The following EXOC5 variants were observed in gnomAD, a reference collection of about 807,000 sequenced individuals.
EXOC5 encodes exocyst complex component 5.
In EXOC5, 17 loss-of-function variants were observed where a neutral mutation model predicts 90.8. The ratio of observed to expected loss-of-function variants is 0.19; its 90% CI spans 0.13 to 0.28. EXOC5 has a LOEUF of 0.28. Among genes scored for constraint, EXOC5 ranks in the 10% least tolerant of loss-of-function variants. The probability of loss-of-function intolerance (pLI) is 1.00; values close to 1 mark genes in which losing one functional copy is unlikely to be tolerated. For synonymous variants in EXOC5, 260 were observed against 270.0 expected (o/e 0.96, Z 0.36); for missense variants, 569 against 830.6 (o/e 0.69, Z 3.87).
At chr14:57,251,270 T>C (rs1594678280) in intron 1 of EXOC5, among the ~76,000 whole-genome samples, 2 of 152,164 alleles carry the variant, frequency 1.3e-5, no homozygotes, top group East Asian at 3.8e-4. Context: ...GGGGCCAGCA[T>C]GTCCAAAAAG....
At chr14:57,210,130 A>G in intron 15 of EXOC5, 69 bp from the exon 16 acceptor site, 1 of 679,334 alleles carries the variant, frequency 1.5e-6, no homozygotes, top group African/African-American at 1.8e-5. Flanking sequence ...TAATTATATT[A>G]TTTATGCTAA....
intron 1 of EXOC5, among the ~76,000 whole-genome samples, chr14:57,265,580 C>T (rs923106485): frequency 2.6e-5 from 4 of 152,108 alleles, no homozygotes; most frequent in African/African-American, 9.7e-5. Flanking sequence ...TAAAAATCAG[C>T]TGGGCATGGA....
At chr14:57,248,094 G>GTT (rs200141338) in intron 1 of EXOC5, among the ~76,000 whole-genome samples, 7 of 140,282 alleles carry the variant, frequency 5.0e-5, no homozygotes, top group Admixed American at 1.4e-4. Flanking sequence ...ATCTCACAAA[G>GTT]TTTTTTTTTT....
chr14:57,219,411 A>G lies in EXOC5; in HGVS notation c.1437T>C (p.Asn479=). The part of the protein sequence containing the change: ...GIPSSDSRNA[N]LYFLDVVQQA... The stretch of plus-strand genomic sequence containing the variant: ...GTTGCACAACGTCCAAAAAATAAAG[A>G]TTTGCATTCCTAGAATCTGAAGAGG... Residue 479 remains asparagine, a synonymous_variant, in exon 14 of 18, where the codon AAT becomes AAC. Transcript: ENST00000621441. 1.9e-6 allele frequency: 3 copies of G among 1,571,620 alleles called. No homozygotes were observed. Among genetic ancestry groups the G allele is most frequent in the Non-Finnish European group, 2.6e-6 (3 of 1,158,104 alleles).
chr14:57,201,392 T>C lies in EXOC5; in HGVS notation c.*7217A>G, dbSNP rs1882493147. 6.7e-6 allele frequency: 1 copy of C among 149,636 alleles called. No homozygotes were observed. The highest frequency in any genetic ancestry group is 1.5e-5 in the Non-Finnish European group (1 of 67,570). The allele number at this position is 149,636 out of a possible 1,614,324, so 9.3% of individuals were successfully genotyped here. On this transcript the variant is annotated 3_prime_UTR_variant, in exon 18 of 18. Coordinates refer to ENST00000621441, the MANE Select transcript of EXOC5 (RefSeq NM_006544.4). ...AGTTGAACAGAAAACTATGAATACA[T>C]AGTGATATCAAGAGAATTCTGATTA... is the stretch of plus-strand genomic sequence containing the variant.
Position 57,227,916 on chromosome 14 carries a change from G to A in EXOC5, c.1296+1818C>T, listed in dbSNP as rs373870252. On this transcript the variant is annotated intron_variant, in intron 12 of 17. Transcript: ENST00000621441. ...TAACAACCTCACAGGGTGGTTATAT[G>A]ATGAAATAAGTTTACATACATATAT... 6.1e-5 allele frequency among the ~76,000 whole-genome samples: 9 copies of A among 148,754 alleles called. No homozygotes were observed. In the South Asian group the frequency reaches 1.9e-3, roughly 32 times the overall value.
At position 57,268,673 on chromosome 14, in the gene EXOC5, C is replaced by A. The variant is rs755051718; in HGVS notation, c.-25G>T. ...TCCCGGCCGGCTGAGAGGCTCGCCC[C>A]CCACTGGATGCCGTCTCCGCTTCAC... On this transcript the variant is annotated 5_prime_UTR_variant, in exon 1 of 18. Coordinates refer to ENST00000621441, the MANE Select transcript of EXOC5 (RefSeq NM_006544.4). The A allele has an allele frequency of 8.2e-6, 13 of 1,577,002 alleles. No homozygotes were observed. Among genetic ancestry groups the A allele is most frequent in the Non-Finnish European group, 1.1e-5 (13 of 1,170,326 alleles).
Position 57,243,544 on chromosome 14 carries a change from CCT to C in EXOC5, c.465+619_465+620del, listed in dbSNP as rs1232366966. 5.9e-5 allele frequency: 9 copies of C among 151,888 alleles called. No individual in the cohort carries two copies. In the East Asian group the frequency reaches 1.2e-3, roughly 20 times the overall value. 9.4% of individuals were successfully genotyped at this position (151,888 alleles called of 1,614,324 possible). A position where few individuals can be genotyped will look rare whatever the true frequency, so the allele number is the denominator to read the frequency against. ...TCTTGCACATTTTGATTTTTTTTCCCCTGAGGGGAAGAAAGTGAGCTAAATTA... is the reference window on the plus strand; with the variant it reads ...TCTTGCACATTTTGATTTTTTTTCCCGAGGGGAAGAAAGTGAGCTAAATTA... On this transcript the variant is annotated intron_variant, in intron 4 of 17. Coordinates refer to ENST00000621441, the MANE Select transcript of EXOC5 (RefSeq NM_006544.4).
intron 11 of EXOC5, among the ~76,000 whole-genome samples, chr14:57,230,508 C>G (rs1883452014): frequency 6.6e-6 from 1 of 152,088 alleles, no homozygotes; most frequent in African/African-American, 2.4e-5. Flanking sequence ...TACTACCTTT[C>G]AGGTATTACC....
intron 3 of EXOC5, 116 bp downstream of exon 3, chr14:57,246,595 A>G: frequency 1.1e-6 from 1 of 884,902 alleles, no homozygotes. Context: ...AAAGCAGTAG[A>G]AAGAAATCTT....
chr14:57,204,513 C>A lies in EXOC5; in HGVS notation c.*4096G>T, dbSNP rs1190359286. ...CTACCAATGTACTAAATAGTTAACACAATTGGCAAGCCTATGACATTTAAA... is the reference window on the plus strand; with the variant it reads ...CTACCAATGTACTAAATAGTTAACAAAATTGGCAAGCCTATGACATTTAAA... On this transcript the variant is annotated 3_prime_UTR_variant, in exon 18 of 18. Transcript: ENST00000621441. 1.3e-5 allele frequency: 2 copies of A among 152,252 alleles called. No homozygotes were observed. 9.4% of individuals were successfully genotyped at this position (152,252 alleles called of 1,614,324 possible). A position where few individuals can be genotyped will look rare whatever the true frequency, so the allele number is the denominator to read the frequency against.
chr14:57,214,973 T>G (rs1882930666), intron 15 of EXOC5, among the ~76,000 whole-genome samples: 1 of 152,170 alleles, frequency 6.6e-6, no homozygotes, highest in Non-Finnish European at 1.5e-5. Flanking sequence ...CTCATACCTG[T>G]AAGCCCAGCA....
intron 12 of EXOC5, among the ~76,000 whole-genome samples, chr14:57,228,933 T>A (rs1883397263): frequency 6.6e-6 from 1 of 151,958 alleles, no homozygotes; most frequent in Non-Finnish European, 1.5e-5. Context: ...TTTCATACAA[T>A]CTTTTGCTAG....
At chr14:57,256,853 A>T (rs1463839648) in intron 1 of EXOC5, among the ~76,000 whole-genome samples, 1 of 151,924 alleles carries the variant, frequency 6.6e-6, no homozygotes, top group Non-Finnish European at 1.5e-5. Flanking sequence ...TTAGTTTCAG[A>T]CCTCCCCACA....
chr14:57,236,682 T>C (rs1314885351), intron 6 of EXOC5, among the ~76,000 whole-genome samples: 1 of 152,196 alleles, frequency 6.6e-6, no homozygotes, highest in Non-Finnish European at 1.5e-5. Flanking sequence ...GAAGTCTAAC[T>C]AGCTGTGTCA....
At chr14:57,244,897 G>A (rs1369960370) in intron 3 of EXOC5, among the ~76,000 whole-genome samples, 1 of 151,984 alleles carries the variant, frequency 6.6e-6, no homozygotes, top group Non-Finnish European at 1.5e-5. Context: ...CTGGGAGGCT[G>A]AGGCAGGAGA....
At chr14:57,239,684 T>A in intron 4 of EXOC5, 25 bp from the exon 5 acceptor site, 2 of 1,433,402 alleles carry the variant, frequency 1.4e-6, no homozygotes, top group Non-Finnish European at 1.9e-6. Flanking sequence ...ATAAAAGCAA[T>A]AATTTAAAAA....
At chr14:57,220,939 C>T (rs1883119130) in intron 13 of EXOC5, among the ~76,000 whole-genome samples, 2 of 152,070 alleles carry the variant, frequency 1.3e-5, no homozygotes, top group Non-Finnish European at 2.9e-5. Flanking sequence ...AGAATATAAA[C>T]TCCACAAGTA....
intron 7 of EXOC5, 115 bp from the exon 8 acceptor site, chr14:57,234,147 A>ATTG: frequency 1.4e-6 from 1 of 701,266 alleles, no homozygotes; most frequent in Non-Finnish European, 2.4e-6. Flanking sequence ...AATGGCCAAT[A>ATTG]GCAACACCTG....
Sources: allele counts gnomAD v4.1 joint callset (sites outside exome capture counted in the v4.1 genomes callset), GRCh38; gene constraint gnomAD v4.1.1; transcripts MANE v1.5; gene names NCBI Gene and HGNC (gene_info 2026-07-23, HGNC 2026-07-21).